Variants in EXT1 observed in about 807,000 individuals in gnomAD.
EXT1 encodes exostosin glycosyltransferase 1, also known as exostosin-1.
Under a neutral mutation model 82.5 loss-of-function variants are expected in EXT1, and 20 were observed. The observed-to-expected ratio is 0.24, with a 90% CI of 0.17 to 0.35. The LOEUF is 0.35. Among genes scored for constraint, EXT1 ranks in the 10% least tolerant of loss-of-function variants. EXT1 has a pLI of 1.00. For missense variants in EXT1, 757 were observed against 936.5 expected (o/e 0.81, Z 2.50); for synonymous variants, 348 against 350.8 (o/e 0.99, Z 0.09).
intron 1 of EXT1, among the ~76,000 whole-genome samples, chr8:117,840,545 G>C (rs961415717): frequency 3.3e-5 from 5 of 151,784 alleles, no homozygotes; most frequent in African/African-American, 1.2e-4. Flanking sequence ...CTGGGAGGTG[G>C]AGGTTGCAGT....
intron 1 of EXT1, among the ~76,000 whole-genome samples, chr8:117,923,649 C>T (rs907338972): frequency 1.3e-5 from 2 of 150,634 alleles, no homozygotes; most frequent in African/African-American, 5.0e-5. Flanking sequence ...TGGTGTGAAC[C>T]CGGGAGGTGG....
chr8:117,929,360 C>T (rs954919053), intron 1 of EXT1, among the ~76,000 whole-genome samples: 1 of 152,172 alleles, frequency 6.6e-6, no homozygotes, highest in Non-Finnish European at 1.5e-5. Context: ...CCTCTTCCTC[C>T]TCACTCTGGC....
At chr8:118,109,093 A>T (rs190901871) in intron 1 of EXT1, among the ~76,000 whole-genome samples, 1 of 152,292 alleles carries the variant, frequency 6.6e-6, no homozygotes, top group East Asian at 1.9e-4. Context: ...GATAAAGCAG[A>T]TTTGTGGAAT....
At chr8:117,814,050 G>A (rs1445130804) in intron 7 of EXT1, among the ~76,000 whole-genome samples, 3 of 150,728 alleles carry the variant, frequency 2.0e-5, no homozygotes, top group Non-Finnish European at 1.5e-5. Flanking sequence ...GAAGAAGGAG[G>A]AGAAGGAGGA....
intron 1 of EXT1, among the ~76,000 whole-genome samples, chr8:118,034,002 AAAATAATAC>A (rs1816378735): frequency 6.6e-6 from 1 of 152,238 alleles, no homozygotes; most frequent in African/African-American, 2.4e-5. Flanking sequence ...ACTAAGAATA[AAAATAATAC>A]AAATAATAAG....
rs17503145 is a variant in EXT1, at chr8:117,812,314, T to C, written c.1722+558A>G. On this transcript the variant is annotated intron_variant, in intron 8 of 10. Transcript: ENST00000378204. ...CGCGCATTCTTTAGGCAATCTTATT[T>C]TTGGCACAACTACCTGAACATCTGA... Among the ~76,000 whole-genome samples the C allele has an allele frequency of 7.2e-3, 1,089 of 152,296 alleles. 20 individuals carry two copies. Among genetic ancestry groups the C allele is most frequent in the African/African-American group, 0.025 (1,034 of 41,544 alleles).
intron 1 of EXT1, among the ~76,000 whole-genome samples, chr8:118,044,618 G>T (rs1049978293): frequency 6.6e-6 from 1 of 152,086 alleles, no homozygotes; most frequent in African/African-American, 2.4e-5. Context: ...TGTTGGCCAG[G>T]CTGGTCTCGA....
At chr8:117,859,047 A>T (rs1229832937) in intron 1 of EXT1, among the ~76,000 whole-genome samples, 1 of 152,214 alleles carries the variant, frequency 6.6e-6, no homozygotes, top group East Asian at 1.9e-4. Flanking sequence ...TTTTAGCAGT[A>T]AAGTATTTTT....
chr8:118,030,491 T>C (rs1816290958), intron 1 of EXT1, among the ~76,000 whole-genome samples: 1 of 152,168 alleles, frequency 6.6e-6, no homozygotes, highest in Non-Finnish European at 1.5e-5. Flanking sequence ...TTTTTGTTTG[T>C]TTGTTTTTTA....
intron 1 of EXT1, among the ~76,000 whole-genome samples, chr8:118,077,191 GA>G (rs1817228286): frequency 6.6e-6 from 1 of 152,202 alleles, no homozygotes; most frequent in African/African-American, 2.4e-5. Flanking sequence ...TGCTGCATAT[GA>G]AAAAGGTCAC....
chr8:118,002,531 T>C (rs1356993136), intron 1 of EXT1, among the ~76,000 whole-genome samples: 3 of 86,556 alleles, frequency 3.5e-5, no homozygotes, highest in Non-Finnish European at 6.9e-5. Context: ...TATTTTTCTT[T>C]TTTTTTTTTT....
intron 1 of EXT1, among the ~76,000 whole-genome samples, chr8:118,073,699 G>GAAGAGAAGAGAAGAGAAGAGAAGAGAA (rs1563647854): frequency 8.8e-6 from 1 of 113,434 alleles, no homozygotes; most frequent in Non-Finnish European, 2.1e-5. Flanking sequence ...GAAGAGAAGA[G>GAAGAGAAGAGAAGAGAAGAGAAGAGAA]AAGAGAAGCC....
At chr8:117,909,428 G>A (rs1239695757) in intron 1 of EXT1, among the ~76,000 whole-genome samples, 1 of 152,146 alleles carries the variant, frequency 6.6e-6, no homozygotes, top group Non-Finnish European at 1.5e-5. Flanking sequence ...AACTGTAAAT[G>A]TATGTGATCC....
At chr8:117,918,727 G>T (rs377766609) in intron 1 of EXT1, among the ~76,000 whole-genome samples, 1 of 152,162 alleles carries the variant, frequency 6.6e-6, no homozygotes, top group Non-Finnish European at 1.5e-5. Flanking sequence ...GCTACCAGCC[G>T]AATGCAGCCA....
At chr8:117,846,156 G>C (rs146768781) in intron 1 of EXT1, among the ~76,000 whole-genome samples, 1 of 152,086 alleles carries the variant, frequency 6.6e-6, no homozygotes, top group Non-Finnish European at 1.5e-5. Context: ...TGCTCAGGCT[G>C]GAGTGCAGTG....
intron 1 of EXT1, among the ~76,000 whole-genome samples, chr8:117,956,162 A>AT (rs1313891944): frequency 3.6e-5 from 5 of 137,894 alleles, no homozygotes; most frequent in East Asian, 2.1e-4. Flanking sequence ...ATAACTACGG[A>AT]TTTTTTTTTA....
intron 1 of EXT1, among the ~76,000 whole-genome samples, chr8:118,062,500 C>A (rs1816899206): frequency 6.6e-6 from 1 of 152,156 alleles, no homozygotes; most frequent in Non-Finnish European, 1.5e-5. Flanking sequence ...AGGATTTGGT[C>A]TAAATACATG....
chr8:117,989,700 C>G (rs965976717), intron 1 of EXT1, among the ~76,000 whole-genome samples: 1 of 152,198 alleles, frequency 6.6e-6, no homozygotes, highest in Non-Finnish European at 1.5e-5. Flanking sequence ...TTTTCAGCAT[C>G]AACATTTATA....
chr8:118,018,691 C>T (rs1013056301), intron 1 of EXT1, among the ~76,000 whole-genome samples: 7 of 152,152 alleles, frequency 4.6e-5, no homozygotes, highest in South Asian at 2.1e-4. Flanking sequence ...TAATAAATTT[C>T]GTTATTACTA....
Sources: gnomAD v4.1 joint callset for allele counts (sites outside exome capture counted in the v4.1 genomes callset) on GRCh38, gnomAD v4.1.1 for gene constraint, MANE v1.5 for transcripts, NCBI Gene and HGNC (gene_info 2026-07-23, HGNC 2026-07-21) for gene names.